PCDH11Y: variants seen among roughly 807,000 people sequenced by gnomAD.
PCDH11Y encodes the protein protocadherin-11 Y-linked.
For missense variants in PCDH11Y, 12 were observed against 224.8 expected, an observed-to-expected ratio of 0.05 and a Z score of 6.05; for synonymous variants, 9 against 83.6, an observed-to-expected ratio of 0.11 and a Z score of 4.87.
intron 2 of PCDH11Y, among the ~76,000 whole-genome samples, chrY:5,413,822 G>A: frequency 3.1e-5 from 1 of 32,770 alleles, no homozygotes; most frequent in Non-Finnish European, 7.5e-5. Flanking sequence ...GTTTAGTCTT[G>A]AGAGGTTGTA....
At chrY:5,423,779 C>T in intron 2 of PCDH11Y, among the ~76,000 whole-genome samples, 2 of 32,387 alleles carry the variant, frequency 6.2e-5, no homozygotes, top group African/African-American at 1.2e-4. Context: ...TTGCCAGGGG[C>T]TGGAGGGAAG....
exon 5 of PCDH11Y, chrY:5,742,023 C>T: frequency 6.3e-5 from 2 of 31,561 alleles, no homozygotes; most frequent in African/African-American, 1.2e-4. Context: ...GATTCCTCCT[C>T]TGTGATATCA....
At chrY:5,336,506 C>G (rs2053137616) in intron 2 of PCDH11Y, among the ~76,000 whole-genome samples, 1 of 28,109 alleles carries the variant, frequency 3.6e-5, no homozygotes, top group Non-Finnish European at 8.2e-5. Context: ...TCCCTGACCT[C>G]CCAAAGTGCT....
At chrY:5,693,723 T>C (rs2053569572) in intron 4 of PCDH11Y, among the ~76,000 whole-genome samples, 1 of 33,356 alleles carries the variant, frequency 3.0e-5, no homozygotes, top group Non-Finnish European at 7.5e-5. Context: ...AAGAGAATAT[T>C]TAGAAGACAA....
At chrY:5,577,948 T>A (rs2124697124) in intron 3 of PCDH11Y, among the ~76,000 whole-genome samples, 4 of 32,929 alleles carry the variant, frequency 1.2e-4, no homozygotes, top group African/African-American at 4.7e-4. Flanking sequence ...TGAAGAAGTG[T>A]GTGTTTGCTT....
intron 2 of PCDH11Y, among the ~76,000 whole-genome samples, chrY:5,160,038 T>TATATAATATAATATAATATAATATA (rs56707340): frequency 7.3e-4 from 11 of 15,031 alleles, no homozygotes; most frequent in African/African-American, 1.9e-3. Context: ...TAATATAATA[T>TATATAATATAATATAATATAATATA]ATATAATATA....
At chrY:5,242,818 G>A in intron 2 of PCDH11Y, among the ~76,000 whole-genome samples, 3 of 33,564 alleles carry the variant, frequency 8.9e-5, no homozygotes, top group African/African-American at 3.5e-4. Flanking sequence ...CAATAAAATT[G>A]TGTAGATATA....
intron 2 of PCDH11Y, among the ~76,000 whole-genome samples, chrY:5,194,886 G>C: frequency 3.0e-5 from 1 of 33,268 alleles, no homozygotes; most frequent in Non-Finnish European, 7.4e-5. Context: ...ACAGAGAGCT[G>C]ATTGATCCAT....
chrY:5,271,543 T>C, intron 2 of PCDH11Y, among the ~76,000 whole-genome samples: 1 of 30,522 alleles, frequency 3.3e-5, no homozygotes, highest in Non-Finnish European at 8.3e-5. Flanking sequence ...CAAAATTCAA[T>C]TAAGAAAAAA....
At chrY:5,090,967 T>C in intron 1 of PCDH11Y, among the ~76,000 whole-genome samples, 1 of 32,778 alleles carries the variant, frequency 3.1e-5, no homozygotes, top group Non-Finnish European at 7.6e-5. Context: ...ATTTTTGTTA[T>C]GAATGCAGCT....
chrY:5,029,728 G>T, intron 1 of PCDH11Y, among the ~76,000 whole-genome samples: 1 of 27,950 alleles, frequency 3.6e-5, no homozygotes, highest in Non-Finnish European at 8.4e-5. Context: ...TTCGAGACCA[G>T]CCTGGCCAAC....
chrY:5,428,738 AC>A (rs2053265785), intron 2 of PCDH11Y, among the ~76,000 whole-genome samples: 1 of 33,351 alleles, frequency 3.0e-5, no homozygotes, highest in Non-Finnish European at 7.4e-5. Context: ...GTTTGTAGAC[AC>A]CAGCATCACC....
intron 4 of PCDH11Y, among the ~76,000 whole-genome samples, chrY:5,646,376 T>C (rs2053527224): frequency 3.1e-5 from 1 of 32,687 alleles, no homozygotes; most frequent in African/African-American, 1.2e-4. Flanking sequence ...GAGGTGGAGA[T>C]GGTTAGTGGG....
chrY:5,160,038 T>TATAATATAATATA, intron 2 of PCDH11Y, among the ~76,000 whole-genome samples: 1 of 15,032 alleles, frequency 6.7e-5, no homozygotes, highest in East Asian at 1.8e-3. Context: ...TAATATAATA[T>TATAATATAATATA]ATATAATATA....
chrY:5,041,714 C>G, intron 3 of PCDH11Y, among the ~76,000 whole-genome samples: 2 of 32,478 alleles, frequency 6.2e-5, no homozygotes, highest in Non-Finnish European at 1.5e-4. Flanking sequence ...AACTAGTTTA[C>G]AGTCCCACCA....
chrY:5,256,472 A>G, intron 2 of PCDH11Y, among the ~76,000 whole-genome samples: 1 of 33,397 alleles, frequency 3.0e-5, no homozygotes, highest in Non-Finnish European at 7.4e-5. Flanking sequence ...AAAGTCATGT[A>G]ATGTTATTCC....
At chrY:5,603,591 T>TGAA (rs2053474852) in intron 4 of PCDH11Y, among the ~76,000 whole-genome samples, 1 of 31,450 alleles carries the variant, frequency 3.2e-5, no homozygotes, top group Non-Finnish European at 7.6e-5. Flanking sequence ...GTTATGCGCA[T>TGAA]CTAGGAAATA....
intron 2 of PCDH11Y, among the ~76,000 whole-genome samples, chrY:5,492,496 T>C (rs2053339750): frequency 3.8e-5 from 1 of 26,286 alleles, no homozygotes; most frequent in Non-Finnish European, 8.8e-5. Context: ...TGTGTATGTG[T>C]GTATGTGCGT....
chrY:5,193,923 CA>C (rs2052915447), intron 2 of PCDH11Y, among the ~76,000 whole-genome samples: 1 of 32,675 alleles, frequency 3.1e-5, no homozygotes, highest in Non-Finnish European at 7.5e-5. Flanking sequence ...AGCCCAAGGA[CA>C]ACATTTACAA....
Sources: gnomAD v4.1 joint callset for allele counts (sites outside exome capture counted in the v4.1 genomes callset) on GRCh38, gnomAD v4.1.1 for gene constraint, MANE v1.5 for transcripts, NCBI Gene and HGNC (gene_info 2026-07-23, HGNC 2026-07-21) for gene names.